SORCS2: variants seen among roughly 807,000 people sequenced by gnomAD.
SORCS2 encodes the protein VPS10 domain-containing receptor SorCS2.
Under a neutral mutation model 141.6 loss-of-function variants are expected in SORCS2, and 100 were observed. The ratio of observed to expected loss-of-function variants is 0.71; its 90% confidence interval spans 0.60 to 0.83. The LOEUF is 0.83. SORCS2 is among the 40% of genes least tolerant of loss of function. The pLI is 0.00. For synonymous variants in SORCS2, 789 were observed against 676.9 expected, an observed-to-expected ratio of 1.17 and a Z score of -2.57; for missense variants, 1,646 against 1,560.2, an observed-to-expected ratio of 1.05 and a Z score of -0.93.
intron 3 of SORCS2, among the ~76,000 whole-genome samples, chr4:7,612,808 G>A (rs372821505): frequency 1.1e-4 from 17 of 150,986 alleles, no homozygotes; most frequent in African/African-American, 3.9e-4. Context: ...GAGAATGAAC[G>A]TTAGGCCTGG....
rs144452032 is a variant in SORCS2, at chr4:7,435,516, G to A, written c.548+39161G>A. Reference sequence around the variant, plus strand: ...AGGTCTTAAACTGTGAAGTGGGAGAGCTGTGGACCTCACTGCCACACCGCA... The same window carrying A: ...AGGTCTTAAACTGTGAAGTGGGAGAACTGTGGACCTCACTGCCACACCGCA... On this transcript the variant is annotated intron_variant, in intron 2 of 26. Transcript: ENST00000507866. Among the ~76,000 whole-genome samples the A allele has an allele frequency of 2.5e-3, 380 of 152,338 alleles. 2 individuals are homozygous for A. Among genetic ancestry groups the A allele is most frequent in the African/African-American group, 8.8e-3 (366 of 41,584 alleles).
At chr4:7,417,668 G>A (rs1355040924) in intron 2 of SORCS2, among the ~76,000 whole-genome samples, 1 of 151,928 alleles carries the variant, frequency 6.6e-6, no homozygotes, top group Non-Finnish European at 1.5e-5. Flanking sequence ...GTGGCCCTTG[G>A]CCCCTATCAC....
chr4:7,657,091 A>G (rs980131362), intron 5 of SORCS2, among the ~76,000 whole-genome samples: 4 of 152,214 alleles, frequency 2.6e-5, no homozygotes, highest in Admixed American at 6.5e-5. Context: ...TTCAAAACCT[A>G]TGACTGAGGG....
At chr4:7,604,227 G>C (rs1296818639) in intron 3 of SORCS2, among the ~76,000 whole-genome samples, 2 of 152,200 alleles carry the variant, frequency 1.3e-5, no homozygotes, top group African/African-American at 4.8e-5. Flanking sequence ...CACGTGTTGA[G>C]GGAGGGAAGT....
intron 2 of SORCS2, among the ~76,000 whole-genome samples, chr4:7,446,280 C>G (rs571853957): frequency 5.3e-5 from 8 of 152,280 alleles, no homozygotes; most frequent in South Asian, 2.1e-4. Flanking sequence ...CACAAGCACT[C>G]GGCCCTATGC....
intron 1 of SORCS2, among the ~76,000 whole-genome samples, chr4:7,352,040 G>A (rs541666752): frequency 1.1e-4 from 16 of 151,808 alleles, no homozygotes; most frequent in South Asian, 4.2e-4. Flanking sequence ...TTATCTACCC[G>A]TCCACCCACC....
intron 1 of SORCS2, among the ~76,000 whole-genome samples, chr4:7,226,474 C>T (rs28417929): frequency 0.11 from 16,281 of 152,066 alleles, 981 homozygotes; most frequent in African/African-American, 0.15. Context: ...TAAGTCCAGA[C>T]GTCTGTGACG....
Position 7,461,767 on chromosome 4 carries a change from T to TC in SORCS2, c.548+65413dup, listed in dbSNP as rs138384975. On this transcript the variant is annotated intron_variant, in intron 2 of 26. Transcript: ENST00000507866. The stretch of plus-strand genomic sequence containing the variant: ...TCTGGGTGCCTCACCTCTGACCCCT[T>TC]CTTAGCTCCCCAACCCCTGCTGCCC... 3.1e-3 allele frequency among the ~76,000 whole-genome samples: 466 copies of TC among 152,180 alleles called. 22 individuals are homozygous for TC. The East Asian group carries it at 0.067, about 22-fold the overall frequency.
At position 7,192,575 on chromosome 4, in the gene SORCS2, T is replaced by G. The variant is rs1366211733; in HGVS notation, c.-72T>G. ...CTCTCGCTCGCGCTCCCCAGCGCCCTCCTGCTCTCCCGGCCGCGGTCCCCT... is the reference window on the plus strand; with the variant it reads ...CTCTCGCTCGCGCTCCCCAGCGCCCGCCTGCTCTCCCGGCCGCGGTCCCCT... On this transcript the variant is annotated 5_prime_UTR_variant, in exon 1 of 27. Coordinates refer to ENST00000507866, the MANE Select transcript of SORCS2 (RefSeq NM_020777.3). The surrounding 1 kb of genome is among the most constrained non-coding windows in gnomAD (Gnocchi z 4.0). 1.4e-5 allele frequency: 14 copies of G among 984,138 alleles called. No individual in the cohort carries two copies. The highest frequency in any genetic ancestry group is 1.7e-5 in the Non-Finnish European group (14 of 829,232). The allele number at this position is 984,138 out of a possible 1,614,324, so 61.0% of individuals were successfully genotyped here. A position where few individuals can be genotyped will look rare whatever the true frequency, so the allele number is the denominator to read the frequency against.
intron 23 of SORCS2, 22 bp from the exon 24 acceptor site, chr4:7,733,300 A>C (rs1577135193): frequency 6.6e-7 from 1 of 1,518,296 alleles, no homozygotes; most frequent in East Asian, 2.5e-5. Flanking sequence ...GGCCTCACTC[A>C]CTGTCCCCTC....
chr4:7,636,381 ATGAG>A (rs1004318657), intron 3 of SORCS2, among the ~76,000 whole-genome samples: 13 of 152,266 alleles, frequency 8.5e-5, no homozygotes, highest in East Asian at 3.9e-4. Flanking sequence ...GAATGAATGA[ATGAG>A]TGAATGAATG....
chr4:7,302,188 A>C (rs1228365111), intron 1 of SORCS2, among the ~76,000 whole-genome samples: 1 of 152,244 alleles, frequency 6.6e-6, no homozygotes, highest in Non-Finnish European at 1.5e-5. Flanking sequence ...CCTCACAGGC[A>C]GGCACCATCT....
chr4:7,724,707 G>GGTGATA (rs1727003274), intron 19 of SORCS2, among the ~76,000 whole-genome samples: 1 of 125,246 alleles, frequency 8.0e-6, no homozygotes, highest in Non-Finnish European at 1.7e-5. Context: ...TGGTGATGGT[G>GGTGATA]GTGATAGTAT....
rs373278411 is a variant in SORCS2 at position 7,413,006 on chromosome 4, T to C, written c.548+16651T>C. Among the ~76,000 whole-genome samples the C allele has an allele frequency of 6.8e-4, 104 of 152,268 alleles. No homozygotes were observed. In the South Asian group the frequency reaches 0.011, roughly 16 times the overall value. On this transcript the variant is annotated intron_variant, in intron 2 of 26. Transcript: ENST00000507866. Reference sequence around the variant, plus strand: ...GAATGGAATCCACATCCACGAGGCATCATGCGTGAATTTCAGTGTTAACCG... The same window carrying C: ...GAATGGAATCCACATCCACGAGGCACCATGCGTGAATTTCAGTGTTAACCG...
intron 2 of SORCS2, among the ~76,000 whole-genome samples, chr4:7,528,062 T>TCC (rs72253858): frequency 6.6e-6 from 1 of 150,576 alleles, no homozygotes; most frequent in Non-Finnish European, 1.5e-5. Flanking sequence ...TGTCTCTCTC[T>TCC]CCCCCCAACA....
intron 2 of SORCS2, chr4:7,434,582 T>C: frequency 6.2e-7 from 1 of 1,613,452 alleles, no homozygotes; most frequent in Non-Finnish European, 8.5e-7. Context: ...GACTCCTGGC[T>C]GGGGAGCCAC....
chr4:7,236,444 G>A (rs1371071666), intron 1 of SORCS2, among the ~76,000 whole-genome samples: 8 of 152,116 alleles, frequency 5.3e-5, no homozygotes, highest in Non-Finnish European at 1.0e-4. Flanking sequence ...TGAGAGTCAC[G>A]GGAGAAAAGA....
At chr4:7,305,109 G>T (rs1717700704) in intron 1 of SORCS2, among the ~76,000 whole-genome samples, 1 of 150,150 alleles carries the variant, frequency 6.7e-6, no homozygotes, top group Admixed American at 6.6e-5. Context: ...TCAGCTCACT[G>T]CAAGCTCCGC....
At chr4:7,248,964 G>A (rs1447150246) in intron 1 of SORCS2, among the ~76,000 whole-genome samples, 1 of 152,216 alleles carries the variant, frequency 6.6e-6, no homozygotes. Flanking sequence ...GAAGTATCAT[G>A]GGCCCCTTGA....
Sources: gnomAD v4.1 joint callset for allele counts (sites outside exome capture counted in the v4.1 genomes callset) on GRCh38, gnomAD v4.1.1 for gene constraint, Gnocchi (gnomAD v3.1) non-coding constraint, MANE v1.5 for transcripts, NCBI Gene and HGNC (gene_info 2026-07-23, HGNC 2026-07-21) for gene names.